The following CNTNAP1 variants were observed in gnomAD, a reference collection of about 807,000 sequenced individuals.
The protein encoded by CNTNAP1 is contactin-associated protein 1.
Under a neutral mutation model 161.5 loss-of-function variants are expected in CNTNAP1, and 80 were observed. The observed-to-expected ratio is 0.50, with a 90% confidence interval of 0.41 to 0.60. CNTNAP1 has a LOEUF of 0.60. CNTNAP1 is among the 20% of genes least tolerant of loss of function. CNTNAP1 has a pLI of 0.00. For synonymous variants in CNTNAP1, 695 were observed against 733.1 expected (o/e 0.95, Z 0.84); for missense variants, 1,464 against 1,854.8 (o/e 0.79, Z 3.87).
rs1457212756 is a variant in CNTNAP1, at chr17:42,685,142, A to C, written c.511+4A>C. On this transcript the variant is annotated splice_donor_region_variant and intron_variant, in intron 4 of 23. Transcript: ENST00000264638. The surrounding 1 kb of genome is among the most constrained non-coding windows in gnomAD (Gnocchi z 5.0). ...GGCCTCTATGGCTGCCCATACAGTAAGTGTGCAGAGAGCGCGGAGGGGGCC... is the reference window on the plus strand; with the variant it reads ...GGCCTCTATGGCTGCCCATACAGTACGTGTGCAGAGAGCGCGGAGGGGGCC... 1 of 1,597,686 alleles carries C rather than the reference A, an allele frequency of 6.3e-7. No individual in the cohort carries two copies. Among genetic ancestry groups the C allele is most frequent in the Non-Finnish European group, 8.5e-7 (1 of 1,170,672 alleles).
rs1405291651 is a variant in CNTNAP1, at chr17:42,685,478, TCCTCGTGGCA to T, written c.715+63_715+72del. The T allele has an allele frequency of 3.3e-6, 5 of 1,507,716 alleles. No homozygotes were observed. In the African/African-American group the frequency reaches 6.9e-5, roughly 21 times the overall value. 93.4% of individuals were successfully genotyped at this position (1,507,716 alleles called of 1,614,324 possible). ...AACCCCTGAAGCTCTCTCACCGCCC[TCCTCGTGGCA>T]CCTCCTCCGCGCATCCGCGCTCAGC... On this transcript the variant is annotated intron_variant, in intron 5 of 23. Transcript: ENST00000264638. The surrounding 1 kb of genome is among the most constrained non-coding windows in gnomAD (Gnocchi z 5.0).
Position 42,688,458 on chromosome 17 carries a change from C to T in CNTNAP1, c.1307-4C>T, listed in dbSNP as rs757811345. 3.7e-6 allele frequency: 6 copies of T among 1,614,174 alleles called. No individual in the cohort carries two copies. Among genetic ancestry groups the T allele is most frequent in the South Asian group, 3.3e-5 (3 of 91,086 alleles). Reference sequence around the variant, plus strand: ...CACCCACACCATCATCCATTCTTGTCCAGGGTACCGACTGAATGACGGCTT... The same window carrying T: ...CACCCACACCATCATCCATTCTTGTTCAGGGTACCGACTGAATGACGGCTT... On this transcript the variant is annotated splice_region_variant and splice_polypyrimidine_tract_variant and intron_variant, in intron 8 of 23. Coordinates refer to ENST00000264638, the MANE Select transcript of CNTNAP1 (RefSeq NM_003632.3).
chr17:42,682,722 G>A lies in CNTNAP1; in HGVS notation c.-108G>A. 9.1e-7 allele frequency: 1 copy of A among 1,103,936 alleles called. No individual in the cohort carries two copies. The highest frequency in any genetic ancestry group is 1.3e-6 in the Non-Finnish European group (1 of 753,574). The allele number at this position is 1,103,936 out of a possible 1,614,324, so 68.4% of individuals were successfully genotyped here. On this transcript the variant is annotated 5_prime_UTR_variant, in exon 1 of 24. Transcript: ENST00000264638. ...GAGGGAAGGGTGGGTAAGGAGGAGA[G>A]AGCGGTCTGCTGCAAACCCCAGGAG...
In CNTNAP1 at chr17:42,682,786, G is replaced by A. The variant is rs377623206; in HGVS notation, c.-44G>A. On this transcript the variant is annotated 5_prime_UTR_variant, in exon 1 of 24. Transcript: ENST00000264638. ...CCAAGCCAGAACTCGAGCCCTAGCC[G>A]GAGCCGTTCACAGGGAGGCGGCTGC... The A allele has an allele frequency of 2.5e-5, 38 of 1,543,604 alleles. No homozygotes were observed. Among genetic ancestry groups the A allele is most frequent in the Middle Eastern group, 1.7e-4 (1 of 5,986 alleles).
chr17:42,699,620 G>A lies in CNTNAP1; in HGVS notation c.*710G>A, dbSNP rs1054388259. On this transcript the variant is annotated 3_prime_UTR_variant, in exon 24 of 24. Coordinates refer to ENST00000264638, the MANE Select transcript of CNTNAP1 (RefSeq NM_003632.3). ...TTCCAAGATATGCAATGGCCTTTGT[G>A]CCTGCCCAAAGGCTTCGCCCCCTCC... is the stretch of plus-strand genomic sequence containing the variant. 2 of 152,764 alleles carry A rather than the reference G, an allele frequency of 1.3e-5. No homozygotes were observed. Among genetic ancestry groups the A allele is most frequent in the African/African-American group, 4.8e-5 (2 of 41,430 alleles). The allele number at this position is 152,764 out of a possible 1,614,324, so 9.5% of individuals were successfully genotyped here. A position where few individuals can be genotyped will look rare whatever the true frequency, so the allele number is the denominator to read the frequency against.
chr17:42,694,584 C>G (rs1186980395), intron 18 of CNTNAP1, among the ~76,000 whole-genome samples: 3 of 150,790 alleles, frequency 2.0e-5, no homozygotes, highest in Non-Finnish European at 4.4e-5. Context: ...GAGCTATGAT[C>G]GTGCCACTGC....
At chr17:42,688,383 T>C in intron 8 of CNTNAP1, 79 bp from the exon 9 acceptor site, 1 of 1,577,830 alleles carries the variant, frequency 6.3e-7, no homozygotes, top group East Asian at 2.2e-5. Flanking sequence ...ACAGTGGGGC[T>C]GCTGCTTCCC....
Position 42,689,618 on chromosome 17 carries a change from T to C in CNTNAP1, c.1726T>C (p.Cys576Arg). 1 of 1,613,678 alleles carries C rather than the reference T, an allele frequency of 6.2e-7. No homozygotes were observed. Among genetic ancestry groups the C allele is most frequent in the Non-Finnish European group, 8.5e-7 (1 of 1,179,686 alleles). The change falls in exon 11 of 24, where the codon TGC becomes CGC. Residue 576 changes from cysteine (C) to arginine (R), a missense_variant. Physicochemically the swap from Cys to Arg is radical, Grantham distance 180. Coordinates refer to ENST00000264638, the MANE Select transcript of CNTNAP1 (RefSeq NM_003632.3). ...CELTGYKGET[C>R]HTPLYKESCE... is the part of the protein sequence containing the mutation. The stretch of plus-strand genomic sequence containing the variant: ...ACTGACGGGCTACAAGGGAGAGACC[T>C]GCCACACACGTAAGCCAGATGTGGT...
rs765055513 is a variant in CNTNAP1 at position 42,685,938 on chromosome 17, T to C, written c.716-19T>C. 2 of 1,611,200 alleles carry C rather than the reference T, an allele frequency of 1.2e-6. No homozygotes were observed. The highest frequency in any genetic ancestry group is 1.7e-5 in the Admixed American group (1 of 59,896). On this transcript the variant is annotated intron_variant, in intron 5 of 23. Transcript: ENST00000264638. The surrounding 1 kb of genome is among the most constrained non-coding windows in gnomAD (Gnocchi z 5.0). ...GTTCTCCTGGCTTGAGGTTTCACTC[T>C]GTCCTGCCCCACCCTCAGGCAGCAG...
chr17:42,691,811 T>G lies in CNTNAP1; in HGVS notation c.2350T>G (p.Ser784Ala). ...RPLRCYGDRNSWNTISFHTGA... is the reference protein window; with the variant it reads ...RPLRCYGDRNAWNTISFHTGA... Reference sequence around the variant, plus strand: ...TCCTCCATCTGCTTTTCTAGGAAATTCCTGGAACACCATTTCCTTCCACAC... The same window carrying G: ...TCCTCCATCTGCTTTTCTAGGAAATGCCTGGAACACCATTTCCTTCCACAC... The change falls in exon 16 of 24, where the codon TCC becomes GCC. Residue 784 changes from serine to alanine, a missense_variant. Ser to Ala is a moderately conservative substitution (Grantham distance 99). Coordinates refer to ENST00000264638, the MANE Select transcript of CNTNAP1 (RefSeq NM_003632.3). This position sits in a 1 kb window ranked among gnomAD's most constrained non-coding sequence, Gnocchi z 4.3. 3 of 1,613,894 alleles carry G rather than the reference T, an allele frequency of 1.9e-6. No individual in the cohort carries two copies. Among genetic ancestry groups the G allele is most frequent in the Non-Finnish European group, 2.5e-6 (3 of 1,179,874 alleles).
At position 42,698,597 on chromosome 17, in the gene CNTNAP1, T is replaced by G; in HGVS notation, c.3863-21T>G. On this transcript the variant is annotated intron_variant, in intron 23 of 23. Transcript: ENST00000264638. ...CAGGTGAGATCCCAAAGATCTGAAT[T>G]GTCCCTTTTCTTCTTTTCAGTTTTG... The G allele has an allele frequency of 1.9e-6, 3 of 1,571,532 alleles. No homozygotes were observed. In the East Asian group the frequency reaches 6.8e-5, roughly 35 times the overall value.
Position 42,687,651 on chromosome 17 carries a change from G to C in CNTNAP1, c.1045-69G>C. On this transcript the variant is annotated intron_variant, in intron 7 of 23. Coordinates refer to ENST00000264638, the MANE Select transcript of CNTNAP1 (RefSeq NM_003632.3). This position sits in a 1 kb window ranked among gnomAD's most constrained non-coding sequence, Gnocchi z 4.7. Reference sequence around the variant, plus strand: ...GGTGACCAGGGTCTTAGACCGGTGTGAAAACTGAATTCCCAGCTGAGGCAG... The same window carrying C: ...GGTGACCAGGGTCTTAGACCGGTGTCAAAACTGAATTCCCAGCTGAGGCAG... The C allele has an allele frequency of 1.1e-5, 18 of 1,575,564 alleles. No homozygotes were observed. Among genetic ancestry groups the C allele is most frequent in the Non-Finnish European group, 1.4e-5 (16 of 1,158,786 alleles).
chr17:42,689,789 A>G (rs2053062069), intron 11 of CNTNAP1, 162 bp downstream of exon 11: 1 of 644,458 alleles, frequency 1.6e-6, no homozygotes, highest in Non-Finnish European at 2.7e-6. Flanking sequence ...TGCCCAGGCT[A>G]GAGTGCAGTG....
Position 42,698,785 on chromosome 17 carries a change from A to C in CNTNAP1, c.4030A>C (p.Thr1344Pro), listed in dbSNP as rs2053187369. 1 of 1,609,380 alleles carries C rather than the reference A, an allele frequency of 6.2e-7. No individual in the cohort carries two copies. The highest frequency in any genetic ancestry group is 8.5e-7 in the Non-Finnish European group (1 of 1,179,312). Residue 1344 changes from threonine (T) to proline (P), a missense_variant, in exon 24 of 24, where the codon ACC becomes CCC. By Grantham distance (38) the Thr-to-Pro change is conservative (BLOSUM62 -1). Transcript: ENST00000264638. ...LPTSGPAQVPTPTAAPNQAPA... is the reference protein window; with the variant it reads ...LPTSGPAQVPPPTAAPNQAPA... ...CACTTCAGGCCCTGCCCAGGTCCCC[A>C]CCCCTACAGCAGCTCCCAACCAAGC...
chr17:42,686,173 A>G, intron 6 of CNTNAP1, 32 bp downstream of exon 6: 1 of 1,609,062 alleles, frequency 6.2e-7, no homozygotes, highest in Non-Finnish European at 8.5e-7. Context: ...ATTTCGTGGT[A>G]GGGTAGATGC....
At chr17:42,684,335 G>A (rs2052977970) in intron 3 of CNTNAP1, 106 bp downstream of exon 3, 4 of 1,106,316 alleles carry the variant, frequency 3.6e-6, no homozygotes, top group East Asian at 2.4e-5. Flanking sequence ...GTGAGGGCTC[G>A]GACAAGGAGC....
At chr17:42,694,179 T>A (rs1264007254) in intron 18 of CNTNAP1, among the ~76,000 whole-genome samples, 1 of 150,672 alleles carries the variant, frequency 6.6e-6, no homozygotes, top group Non-Finnish European at 1.5e-5. Flanking sequence ...CTTTTTTCTT[T>A]TTTTTTTTTG....
At chr17:42,688,796 T>G (rs2053049854) in intron 9 of CNTNAP1, 80 bp from the exon 10 acceptor site, 49 of 1,562,226 alleles carry the variant, frequency 3.1e-5, no homozygotes, top group Non-Finnish European at 4.3e-5. Context: ...CCTTTATGTC[T>G]GGCTCCCCCT....
chr17:42,686,463 A>G (rs2053010376), intron 6 of CNTNAP1, among the ~76,000 whole-genome samples: 1 of 97,246 alleles, frequency 1.0e-5, no homozygotes, highest in East Asian at 3.0e-4. Flanking sequence ...CACCAGAAAA[A>G]GGCCTGTTTT....
Sources: allele counts gnomAD v4.1 joint callset (sites outside exome capture counted in the v4.1 genomes callset), GRCh38; gene constraint gnomAD v4.1.1; non-coding constraint Gnocchi (gnomAD v3.1); transcripts MANE v1.5; gene names NCBI Gene and HGNC (gene_info 2026-07-23, HGNC 2026-07-21).